Variants in LHFPL1 observed in about 807,000 individuals in gnomAD.
LHFPL1 encodes the protein LHFPL tetraspan subfamily member 1 protein.
Under a neutral mutation model 12.1 loss-of-function variants are expected in LHFPL1, and 4 were observed. The ratio of observed to expected loss-of-function variants is 0.33; its 90% CI spans 0.16 to 0.76. The LOEUF (loss-of-function observed/expected upper bound fraction) is 0.76, where lower values mean the gene tolerates loss of function less well. LHFPL1 is among the 30% of genes least tolerant of loss of function. The pLI, the probability that LHFPL1 is intolerant of heterozygous loss-of-function variation, is 0.61. For synonymous variants in LHFPL1, 52 were observed against 61.9 expected (o/e 0.84, Z 0.75); for missense variants, 141 against 174.1 (o/e 0.81, Z 1.07).
At chrX:112,675,429 T>C (rs1033046265) in intron 1 of LHFPL1, among the ~76,000 whole-genome samples, 2 of 111,464 alleles carry the variant, frequency 1.8e-5, no homozygotes, top group Admixed American at 9.6e-5. Context: ...ATGAAGCTGT[T>C]AAATTAAACT....
intron 3 of LHFPL1, among the ~76,000 whole-genome samples, chrX:112,640,535 A>G (rs1036264787): frequency 2.7e-5 from 3 of 111,923 alleles, no homozygotes; most frequent in Non-Finnish European, 3.8e-5. Context: ...CCACTGCTAA[A>G]GAAGGATAAT....
intron 3 of LHFPL1, among the ~76,000 whole-genome samples, chrX:112,660,106 G>A (rs1447439544): frequency 8.9e-6 from 1 of 112,336 alleles, no homozygotes; most frequent in Non-Finnish European, 1.9e-5. Context: ...GACATTCTCA[G>A]TGAAAACTGG....
chrX:112,668,784 A>G (rs1207803157), intron 2 of LHFPL1, among the ~76,000 whole-genome samples: 1 of 112,439 alleles, frequency 8.9e-6, no homozygotes, highest in African/African-American at 3.2e-5. Flanking sequence ...AATCAACTGA[A>G]ATGCATCATA....
chrX:112,650,773 T>C (rs1162155796), intron 3 of LHFPL1, among the ~76,000 whole-genome samples: 1 of 111,582 alleles, frequency 9.0e-6, no homozygotes, highest in Non-Finnish European at 1.9e-5. Context: ...GATTAATTAA[T>C]AAAATTAGAT....
chrX:112,663,347 C>G (rs1192270294), intron 2 of LHFPL1, among the ~76,000 whole-genome samples: 1 of 111,594 alleles, frequency 9.0e-6, no homozygotes, highest in Non-Finnish European at 1.9e-5. Flanking sequence ...ATTCTGTGTC[C>G]TTGGCACATG....
chrX:112,657,150 A>C (rs1931030240), intron 3 of LHFPL1, among the ~76,000 whole-genome samples: 1 of 112,706 alleles, frequency 8.9e-6, no homozygotes, highest in Admixed American at 9.4e-5. Flanking sequence ...AAAATAAAAT[A>C]AAAGCATAAA....
intron 1 of LHFPL1, among the ~76,000 whole-genome samples, chrX:112,672,113 T>C: frequency 8.9e-6 from 1 of 111,756 alleles, no homozygotes. Context: ...CACTGATCAG[T>C]CACTTTTCCC....
chrX:112,676,910 C>A (rs935409203), intron 1 of LHFPL1, among the ~76,000 whole-genome samples: 18 of 111,930 alleles, frequency 1.6e-4, no homozygotes, highest in Middle Eastern at 4.6e-3. Context: ...AAATGAGAGC[C>A]CTTCATCAAC....
chrX:112,662,002 T>G (rs1931202404), intron 2 of LHFPL1, among the ~76,000 whole-genome samples: 1 of 112,077 alleles, frequency 8.9e-6, no homozygotes, highest in Non-Finnish European at 1.9e-5. Context: ...TGAGAAAAAC[T>G]CCATACTGTC....
intron 3 of LHFPL1, among the ~76,000 whole-genome samples, chrX:112,652,768 A>G (rs1930890904): frequency 8.9e-6 from 1 of 112,204 alleles, no homozygotes; most frequent in Admixed American, 9.5e-5. Context: ...GCTTTGTGCT[A>G]TCAGTTGAGG....
At chrX:112,645,235 T>G (rs112124831) in intron 3 of LHFPL1, among the ~76,000 whole-genome samples, 1 of 112,097 alleles carries the variant, frequency 8.9e-6, no homozygotes, top group Non-Finnish European at 1.9e-5. Context: ...GAAATACTAT[T>G]ACCAATCCTC....
chrX:112,657,053 A>C (rs1349763986), intron 3 of LHFPL1, among the ~76,000 whole-genome samples: 4 of 112,610 alleles, frequency 3.6e-5, no homozygotes, highest in South Asian at 3.7e-4. Context: ...TCATTTTTGC[A>C]CCATTGCAAA....
Position 112,671,404 on chromosome X carries a change from T to C in LHFPL1, c.-14A>G, listed in dbSNP as rs147351387. ...GCTGCTCCTCATGGTCACAGGTTTC[T>C]CTGCAGGGATGGGGAGATGAGTTGG... On this transcript the variant is annotated splice_region_variant and 5_prime_UTR_variant, in exon 2 of 4. Transcript: ENST00000371968. The C allele has an allele frequency of 9.8e-4, 1,189 of 1,210,027 alleles. 9 individuals carry two copies. The African/African-American group carries it at 0.018, about 18-fold the overall frequency.
intron 3 of LHFPL1, among the ~76,000 whole-genome samples, chrX:112,645,288 T>A (rs1602671426): frequency 8.9e-6 from 1 of 112,333 alleles, no homozygotes; most frequent in Admixed American, 9.4e-5. Context: ...AAGGCTCATA[T>A]TTGAACCCAG....
intron 3 of LHFPL1, among the ~76,000 whole-genome samples, chrX:112,649,383 T>G (rs1930787717): frequency 8.9e-6 from 1 of 112,258 alleles, no homozygotes; most frequent in African/African-American, 3.2e-5. Context: ...TTTCTCCTTC[T>G]TCAAGACTCC....
At chrX:112,661,211 C>T (rs1408058720) in intron 2 of LHFPL1, among the ~76,000 whole-genome samples, 2 of 111,325 alleles carry the variant, frequency 1.8e-5, no homozygotes, top group Non-Finnish European at 3.8e-5. Context: ...CCACACTCCT[C>T]CCCCGATAAA....
chrX:112,650,468 G>T (rs1351088396), intron 3 of LHFPL1, among the ~76,000 whole-genome samples: 1 of 111,353 alleles, frequency 9.0e-6, no homozygotes, highest in Non-Finnish European at 1.9e-5. Context: ...TCTCTTCTAG[G>T]TCACCTTTGT....
intron 3 of LHFPL1, among the ~76,000 whole-genome samples, chrX:112,649,089 CTTT>C (rs760444613): frequency 0.011 from 1,217 of 110,708 alleles, 14 homozygotes; most frequent in African/African-American, 0.038. Context: ...AAGCATACTT[CTTT>C]TTTTTTATTA....
rs767189871 is a variant in LHFPL1, at chrX:112,671,386, C to T, written c.5G>A (p.Arg2Lys). Residue 2 changes from arginine to lysine, a missense_variant, in exon 2 of 4, where the codon AGG becomes AAG. By Grantham distance (26) the Arg-to-Lys change is conservative. Transcript: ENST00000371968. M[R>K]SSLTMVGTLW... is the part of the protein sequence containing the mutation. ...GGTTCCCACCATGGTCAGGCTGCTC[C>T]TCATGGTCACAGGTTTCTCTGCAGG... The T allele has an allele frequency of 1.7e-6, 2 of 1,211,808 alleles. No individual in the cohort carries two copies. Among genetic ancestry groups the T allele is most frequent in the Admixed American group, 2.2e-5 (1 of 46,066 alleles).
Sources: gnomAD v4.1 joint callset for allele counts (sites outside exome capture counted in the v4.1 genomes callset) on GRCh38, gnomAD v4.1.1 for gene constraint, MANE v1.5 for transcripts, NCBI Gene and HGNC (gene_info 2026-07-23, HGNC 2026-07-21) for gene names.